The following ARHGAP28 variants were observed in gnomAD, a reference collection of about 807,000 sequenced individuals.
The protein encoded by ARHGAP28 is rho GTPase-activating protein 28.
A neutral mutation model predicts 90.7 loss-of-function variants in ARHGAP28; 56 were observed. The ratio of observed to expected loss-of-function variants is 0.62; its 90% CI spans 0.50 to 0.77. The LOEUF (loss-of-function observed/expected upper bound fraction) is 0.77, where lower values mean the gene tolerates loss of function less well. Among genes scored for constraint, ARHGAP28 ranks in the 30% least tolerant of loss-of-function variants. The pLI, the probability that ARHGAP28 is intolerant of heterozygous loss-of-function variation, is 0.00. For synonymous variants in ARHGAP28, 308 were observed against 323.3 expected, an observed-to-expected ratio of 0.95 and a Z score of 0.51; for missense variants, 869 against 900.9, an observed-to-expected ratio of 0.96 and a Z score of 0.45.
At chr18:6,781,723 C>G (rs546118316) in intron 1 of ARHGAP28, among the ~76,000 whole-genome samples, 1 of 152,306 alleles carries the variant, frequency 6.6e-6, no homozygotes, top group Non-Finnish European at 1.5e-5. Context: ...GGGTGGGACA[C>G]CAAACACATG....
At chr18:6,744,644 C>G (rs1035113192) in intron 1 of ARHGAP28, among the ~76,000 whole-genome samples, 1 of 152,144 alleles carries the variant, frequency 6.6e-6, no homozygotes, top group East Asian at 1.9e-4. Flanking sequence ...TTAGTTCATT[C>G]AATTACTCAA....
At chr18:6,755,702 G>T (rs1269538938) in intron 1 of ARHGAP28, among the ~76,000 whole-genome samples, 4 of 152,096 alleles carry the variant, frequency 2.6e-5, no homozygotes, top group Non-Finnish European at 4.4e-5. Flanking sequence ...GGTATAACCT[G>T]GGGTTTTCTG....
chr18:6,788,154 G>A (rs1044619749), intron 1 of ARHGAP28, among the ~76,000 whole-genome samples: 3 of 152,140 alleles, frequency 2.0e-5, no homozygotes, highest in African/African-American at 7.2e-5. Context: ...GTTCTCATGA[G>A]CAGTTTAGCA....
chr18:6,862,132 G>A (rs1483906265), intron 5 of ARHGAP28, among the ~76,000 whole-genome samples: 2 of 152,226 alleles, frequency 1.3e-5, no homozygotes, highest in Admixed American at 1.3e-4. Context: ...TGCTAGAGTG[G>A]CTCACTGATG....
intron 1 of ARHGAP28, among the ~76,000 whole-genome samples, chr18:6,766,776 C>T (rs550317237): frequency 1.4e-4 from 21 of 152,278 alleles, no homozygotes; most frequent in African/African-American, 3.9e-4. Flanking sequence ...GCTGTTTCCC[C>T]GCAGTAAATC....
At chr18:6,854,125 C>A (rs2056933254) in intron 4 of ARHGAP28, among the ~76,000 whole-genome samples, 1 of 152,028 alleles carries the variant, frequency 6.6e-6, no homozygotes, top group Non-Finnish European at 1.5e-5. Flanking sequence ...GAACATATGA[C>A]AACTGACTGT....
At chr18:6,876,559 CT>C (rs538937549) in intron 10 of ARHGAP28, among the ~76,000 whole-genome samples, 92 of 152,298 alleles carry the variant, frequency 6.0e-4, no homozygotes, top group Non-Finnish European at 1.1e-3. Flanking sequence ...AAACGTCTCA[CT>C]GCTGTTTTGG....
At chr18:6,900,609 G>A (rs1053819593) in intron 16 of ARHGAP28, among the ~76,000 whole-genome samples, 2 of 151,804 alleles carry the variant, frequency 1.3e-5, no homozygotes, top group Non-Finnish European at 2.9e-5. Flanking sequence ...AGAGTTTATC[G>A]ATTATGAACA....
intron 14 of ARHGAP28, among the ~76,000 whole-genome samples, chr18:6,893,293 C>G (rs2057279993): frequency 6.6e-6 from 1 of 152,124 alleles, no homozygotes; most frequent in African/African-American, 2.4e-5. Context: ...CTGCCAGTAC[C>G]CATGCCAGAA....
rs1211027924 is a variant in ARHGAP28, at chr18:6,855,098, G to A, written c.636+3972G>A. 2.6e-5 allele frequency among the ~76,000 whole-genome samples: 4 copies of A among 152,320 alleles called. No individual in the cohort carries two copies. The South Asian group carries it at 8.3e-4, about 32-fold the overall frequency. ...GGTGCCCCTCAGCAGGAACAGCCTG[G>A]GCACTGCGGATGGCATGTTGAAGGT... On this transcript the variant is annotated intron_variant, in intron 4 of 17. Coordinates refer to ENST00000383472, the MANE Select transcript of ARHGAP28 (RefSeq NM_001366230.1).
intron 16 of ARHGAP28, among the ~76,000 whole-genome samples, chr18:6,908,233 G>A (rs1034346801): frequency 6.6e-6 from 1 of 152,048 alleles, no homozygotes; most frequent in African/African-American, 2.4e-5. Flanking sequence ...CTCTTCCCGG[G>A]TTCAAGCAAT....
At chr18:6,886,392 G>A (rs1447002247) in intron 11 of ARHGAP28, among the ~76,000 whole-genome samples, 1 of 152,038 alleles carries the variant, frequency 6.6e-6, no homozygotes, top group Non-Finnish European at 1.5e-5. Context: ...TCCAGCTGTG[G>A]ATGGAATCCC....
intron 1 of ARHGAP28, 74 bp downstream of exon 1, chr18:6,730,017 G>C (rs57509765): frequency 0.53 from 675,537 of 1,268,964 alleles, 180,747 homozygotes; most frequent in South Asian, 0.71. Flanking sequence ...GCTGCGCCTT[G>C]TGCCTGAGCG....
chr18:6,878,580 G>A (rs938166128), intron 10 of ARHGAP28, among the ~76,000 whole-genome samples: 14 of 152,142 alleles, frequency 9.2e-5, no homozygotes, highest in African/African-American at 3.1e-4. Context: ...ATCTTCCACT[G>A]AAAAATGCTT....
At chr18:6,839,937 C>G (rs922971060) in intron 3 of ARHGAP28, among the ~76,000 whole-genome samples, 1 of 152,152 alleles carries the variant, frequency 6.6e-6, no homozygotes, top group Non-Finnish European at 1.5e-5. Context: ...AAATGAAGAG[C>G]AACTCTCCTT....
intron 1 of ARHGAP28, among the ~76,000 whole-genome samples, chr18:6,786,796 A>G (rs932480527): frequency 3.3e-5 from 5 of 151,928 alleles, no homozygotes; most frequent in Non-Finnish European, 5.9e-5. Flanking sequence ...CTGTGGGGAA[A>G]AAAAAAATCC....
rs1485343293 is a variant in ARHGAP28 at position 6,835,207 on chromosome 18, A to T, written c.326-1990A>T. ...GTCCTACCAAGTACTCTTTCCTCCC[A>T]CTCTTTCATTACTCCTTACATAGGT... On this transcript the variant is annotated intron_variant, in intron 2 of 17. Transcript: ENST00000383472. 2.0e-5 allele frequency among the ~76,000 whole-genome samples: 3 copies of T among 151,860 alleles called. No individual in the cohort carries two copies. In the East Asian group the frequency reaches 5.8e-4, roughly 29 times the overall value.
intron 1 of ARHGAP28, among the ~76,000 whole-genome samples, chr18:6,737,233 T>C (rs1185478436): frequency 2.0e-5 from 3 of 152,220 alleles, no homozygotes; most frequent in Admixed American, 1.3e-4. Context: ...AAGTCAGGCA[T>C]ACCCTTAAAT....
chr18:6,733,193 A>G (rs1478464431), intron 1 of ARHGAP28, among the ~76,000 whole-genome samples: 1 of 152,232 alleles, frequency 6.6e-6, no homozygotes, highest in Non-Finnish European at 1.5e-5. Flanking sequence ...AGGTTGCGAT[A>G]TATTGACAGT....
Sources: allele counts gnomAD v4.1 joint callset (sites outside exome capture counted in the v4.1 genomes callset), GRCh38; gene constraint gnomAD v4.1.1; transcripts MANE v1.5; gene names NCBI Gene and HGNC (gene_info 2026-07-23, HGNC 2026-07-21).